EMC7: variants seen among roughly 807,000 people sequenced by gnomAD.
EMC7 encodes ER membrane protein complex subunit 7.
In EMC7, 4 loss-of-function variants were observed where a neutral mutation model predicts 24.4. The observed-to-expected ratio is 0.16, with a 90% CI of 0.08 to 0.38. The LOEUF is 0.38. EMC7 is among the 10% of genes least tolerant of loss of function. EMC7 has a pLI of 1.00. For missense variants in EMC7, 221 were observed against 300.6 expected (o/e 0.74, Z 1.96); for synonymous variants, 106 against 112.0 (o/e 0.95, Z 0.34).
chr15:34,093,782 T>TACACACACACACAC (rs143551689), intron 2 of EMC7, among the ~76,000 whole-genome samples: 568 of 23,250 alleles, frequency 0.024, 46 homozygotes, highest in East Asian at 0.12. Flanking sequence ...CATATATGTA[T>TACACACACACACAC]ACACACACAC....
At position 34,086,354 on chromosome 15, in the gene EMC7, C is replaced by G. The variant is rs536459863; in HGVS notation, c.576+1699G>C. On this transcript the variant is annotated intron_variant, in intron 4 of 4. Transcript: ENST00000256545. ...GATGGTGCCACCTCTGCAGGCAGTG[C>G]CAAGGAAGAGAGCTTCTGAAGCTCT... 2.0e-3 allele frequency: 421 copies of G among 209,614 alleles called. 4 individuals are homozygous for G. Among genetic ancestry groups the G allele is most frequent in the African/African-American group, 9.4e-3 (403 of 43,014 alleles). 13.0% of individuals were successfully genotyped at this position (209,614 alleles called of 1,614,324 possible). A position where few individuals can be genotyped will look rare whatever the true frequency, so the allele number is the denominator to read the frequency against.
chr15:34,098,500 G>C (rs1478814664), intron 1 of EMC7, among the ~76,000 whole-genome samples: 1 of 144,242 alleles, frequency 6.9e-6, no homozygotes, highest in African/African-American at 2.6e-5. Flanking sequence ...CTGTCACCCA[G>C]GATGGAGTGC....
chr15:34,095,431 A>G (rs930600278), intron 2 of EMC7, among the ~76,000 whole-genome samples: 4 of 152,218 alleles, frequency 2.6e-5, no homozygotes, highest in African/African-American at 9.6e-5. Flanking sequence ...TAGAAATACT[A>G]TATTTCCATT....
intron 2 of EMC7, among the ~76,000 whole-genome samples, chr15:34,095,653 A>C (rs1442765183): frequency 6.6e-6 from 1 of 152,206 alleles, no homozygotes; most frequent in African/African-American, 2.4e-5. Flanking sequence ...AAGTAATCTT[A>C]CCTTTTCTTT....
intron 2 of EMC7, among the ~76,000 whole-genome samples, chr15:34,091,765 G>C (rs1399929582): frequency 2.0e-5 from 3 of 152,048 alleles, no homozygotes; most frequent in African/African-American, 7.2e-5. Context: ...AAGCCTTCTG[G>C]GTTAGAGAAT....
chr15:34,087,536 AG>A (rs1159943835), intron 4 of EMC7, among the ~76,000 whole-genome samples: 2 of 152,220 alleles, frequency 1.3e-5, no homozygotes, highest in African/African-American at 4.8e-5. Context: ...AGTTTTGTAA[AG>A]TAAAGGCAGA....
intron 1 of EMC7, among the ~76,000 whole-genome samples, chr15:34,097,726 TACTGATG>T (rs1212211413): frequency 1.3e-5 from 2 of 152,188 alleles, no homozygotes; most frequent in Non-Finnish European, 2.9e-5. Flanking sequence ...GAATAACTGA[TACTGATG>T]ATATCCACAA....
intron 4 of EMC7, among the ~76,000 whole-genome samples, chr15:34,085,726 T>C (rs1900869465): frequency 2.0e-5 from 3 of 152,104 alleles, no homozygotes; most frequent in African/African-American, 7.2e-5. Flanking sequence ...ATAAATCAAG[T>C]ATGTTAACAT....
At chr15:34,084,704 G>A (rs1244399533) in intron 4 of EMC7, among the ~76,000 whole-genome samples, 1 of 149,652 alleles carries the variant, frequency 6.7e-6, no homozygotes, top group East Asian at 2.0e-4. Flanking sequence ...CTTAGTAAAT[G>A]TCCAATAAAT....
At position 34,084,191 on chromosome 15, in the gene EMC7, G is replaced by T. The variant is rs143031568; in HGVS notation, c.*143C>A. 7.9e-4 allele frequency: 811 copies of T among 1,026,218 alleles called. No individual in the cohort carries two copies. The highest frequency in any genetic ancestry group is 1.1e-3 in the Admixed American group (35 of 32,562). 63.6% of individuals were successfully genotyped at this position (1,026,218 alleles called of 1,614,324 possible). A position where few individuals can be genotyped will look rare whatever the true frequency, so the allele number is the denominator to read the frequency against. On this transcript the variant is annotated 3_prime_UTR_variant, in exon 5 of 5. Transcript: ENST00000256545. ...CTCGTGTACCAAGTACAAAACATGT[G>T]CTAAAAAGTTAACATACACAGTTGT...
chr15:34,088,049 T>C lies in EMC7; in HGVS notation c.576+4A>G. On this transcript the variant is annotated splice_donor_region_variant and intron_variant, in intron 4 of 4. Coordinates refer to ENST00000256545, the MANE Select transcript of EMC7 (RefSeq NM_020154.3). ...AAAAATCCATAGCTGGACCATCATCTTACCCGTCTCATGTCAGGATCACTT... is the reference window on the plus strand; with the variant it reads ...AAAAATCCATAGCTGGACCATCATCCTACCCGTCTCATGTCAGGATCACTT... The C allele has an allele frequency of 6.2e-7, 1 of 1,604,596 alleles. No homozygotes were observed. The highest frequency in any genetic ancestry group is 8.5e-7 in the Non-Finnish European group (1 of 1,177,120).
At chr15:34,098,175 G>A (rs1901110564) in intron 1 of EMC7, among the ~76,000 whole-genome samples, 2 of 152,100 alleles carry the variant, frequency 1.3e-5, no homozygotes, top group Non-Finnish European at 2.9e-5. Flanking sequence ...TCACTGACAG[G>A]CCACCTCTGA....
chr15:34,096,225 C>T (rs1901064171), intron 1 of EMC7, among the ~76,000 whole-genome samples: 1 of 152,226 alleles, frequency 6.6e-6, no homozygotes, highest in Non-Finnish European at 1.5e-5. Context: ...GGGTGGAGTG[C>T]AATGGCACGA....
At chr15:34,092,261 T>TCTCACACACACACACA (rs1555523197) in intron 2 of EMC7, among the ~76,000 whole-genome samples, 7 of 141,564 alleles carry the variant, frequency 4.9e-5, no homozygotes, top group African/African-American at 7.9e-5. Flanking sequence ...TGAGACTCCG[T>TCTCACACACACACACA]CACACACACA....
intron 2 of EMC7, among the ~76,000 whole-genome samples, chr15:34,093,422 C>T (rs149752611): frequency 0.025 from 3,355 of 136,290 alleles, 132 homozygotes; most frequent in African/African-American, 0.087. Flanking sequence ...GGTGACAGAG[C>T]GAGACTGTCT....
chr15:34,088,189 C>A, intron 3 of EMC7, 56 bp from the exon 4 acceptor site: 1 of 1,413,648 alleles, frequency 7.1e-7, no homozygotes, highest in Non-Finnish European at 9.8e-7. Context: ...GTTAATAGAA[C>A]AAAAACTGCA....
At chr15:34,091,690 G>C (rs1900975996) in intron 2 of EMC7, among the ~76,000 whole-genome samples, 1 of 152,128 alleles carries the variant, frequency 6.6e-6, no homozygotes, top group South Asian at 2.1e-4. Flanking sequence ...CCAAATTTTA[G>C]ATCTAATTCT....
intron 3 of EMC7, among the ~76,000 whole-genome samples, chr15:34,088,699 T>C (rs1900929689): frequency 6.6e-6 from 1 of 152,092 alleles, no homozygotes; most frequent in Non-Finnish European, 1.5e-5. Flanking sequence ...TGCTGACTTC[T>C]TCCATCCAGT....
chr15:34,100,267 G>A (rs190711596), intron 1 of EMC7, among the ~76,000 whole-genome samples: 3 of 152,334 alleles, frequency 2.0e-5, no homozygotes, highest in Non-Finnish European at 4.4e-5. Flanking sequence ...CTTGAGTACA[G>A]AAGTTCGAAG....
Sources: gnomAD v4.1 joint callset for allele counts (sites outside exome capture counted in the v4.1 genomes callset) on GRCh38, gnomAD v4.1.1 for gene constraint, MANE v1.5 for transcripts, NCBI Gene and HGNC (gene_info 2026-07-23, HGNC 2026-07-21) for gene names.